Variants in RMI1 observed in about 807,000 individuals in gnomAD.
RMI1 encodes recQ-mediated genome instability protein 1.
RMI1 carries 36 observed loss-of-function variants against 46.7 expected under a neutral mutation model. The observed-to-expected ratio is 0.77, with a 90% CI of 0.59 to 1.02. The LOEUF (loss-of-function observed/expected upper bound fraction) is 1.02, where lower values mean the gene tolerates loss of function less well. Among genes scored for constraint, RMI1 ranks in the 50% least tolerant of loss-of-function variants. The pLI is 0.00. For synonymous variants in RMI1, 250 were observed against 252.9 expected (o/e 0.99, Z 0.11); for missense variants, 676 against 713.7 (o/e 0.95, Z 0.60).
chr9:83,990,951 G>T (rs1957564482), intron 1 of RMI1, among the ~76,000 whole-genome samples: 1 of 152,048 alleles, frequency 6.6e-6, no homozygotes, highest in Non-Finnish European at 1.5e-5. Flanking sequence ...GGGATTACAG[G>T]CGTGTCCCAC....
chr9:83,990,265 C>T (rs1957550550), intron 1 of RMI1, among the ~76,000 whole-genome samples: 1 of 152,070 alleles, frequency 6.6e-6, no homozygotes, highest in Non-Finnish European at 1.5e-5. Flanking sequence ...GCCTGTAATC[C>T]CAGCATGGGA....
At chr9:83,995,568 C>T (rs1255194078) in intron 1 of RMI1, among the ~76,000 whole-genome samples, 2 of 152,076 alleles carry the variant, frequency 1.3e-5, no homozygotes, top group Non-Finnish European at 2.9e-5. Flanking sequence ...GCTGGGACTA[C>T]AGGCACATGC....
At chr9:83,989,293 G>A (rs1957533753) in intron 1 of RMI1, among the ~76,000 whole-genome samples, 1 of 152,018 alleles carries the variant, frequency 6.6e-6, no homozygotes, top group Non-Finnish European at 1.5e-5. Context: ...ATTTTTTTGA[G>A]GTAAAAACTT....
rs777741815 is a variant in RMI1 at position 84,002,843 on chromosome 9, AAAG to A, written c.1861_1863del (p.Lys621del). On this transcript the variant is annotated inframe_deletion, in exon 3 of 3. Coordinates refer to ENST00000445877, the MANE Select transcript of RMI1 (RefSeq NM_001358291.2). ...TTAATATGGAACACCTTGAGAATCT[AAAG>A]AAGCGGTTAAATAAATAATTAAACT... 2.6e-6 allele frequency: 4 copies of A among 1,542,930 alleles called. No homozygotes were observed. The African/African-American group carries it at 4.1e-5, about 16-fold the overall frequency.
Position 84,001,474 on chromosome 9 carries a change from C to T in RMI1, c.488C>T (p.Pro163Leu). ...CCAATTCTTCATAGTGATCTTCCTCCAGGTACAAAAATTTTGATTTATGGA... is the reference window on the plus strand; with the variant it reads ...CCAATTCTTCATAGTGATCTTCCTCTAGGTACAAAAATTTTGATTTATGGA... ...PIPILHSDLP[P>L]GTKILIYGNI... The change falls in exon 3 of 3, where the codon CCA becomes CTA. Residue 163 changes from proline (P) to leucine (L), a missense_variant. Physicochemically the swap from Pro to Leu is moderately conservative, Grantham distance 98. Coordinates refer to ENST00000445877, the MANE Select transcript of RMI1 (RefSeq NM_001358291.2). The T allele has an allele frequency of 1.9e-6, 3 of 1,613,830 alleles. No individual in the cohort carries two copies. The East Asian group carries it at 6.7e-5, about 36-fold the overall frequency.
intron 1 of RMI1, among the ~76,000 whole-genome samples, chr9:83,987,950 A>G (rs540849553): frequency 1.3e-5 from 2 of 152,158 alleles, no homozygotes; most frequent in South Asian, 4.2e-4. Context: ...CAGTAGTGCA[A>G]ACACGGCTCA....
chr9:83,982,463 A>C (rs959002168), intron 1 of RMI1, among the ~76,000 whole-genome samples: 20 of 152,044 alleles, frequency 1.3e-4, no homozygotes, highest in African/African-American at 4.8e-4. Context: ...GGAGATCGAG[A>C]CCATCCTGGC....
chr9:83,981,467 C>T (rs1447639824), intron 1 of RMI1, among the ~76,000 whole-genome samples: 1 of 152,214 alleles, frequency 6.6e-6, no homozygotes, highest in Non-Finnish European at 1.5e-5. Context: ...CTAGCGGGTT[C>T]AGCGCACACT....
At chr9:83,993,382 G>A (rs1055167265) in intron 1 of RMI1, among the ~76,000 whole-genome samples, 4 of 152,122 alleles carry the variant, frequency 2.6e-5, no homozygotes, top group Admixed American at 1.3e-4. Context: ...TATGTTTTGT[G>A]TATCCTTCTA....
At chr9:83,999,465 AG>A (rs1330632770) in intron 1 of RMI1, among the ~76,000 whole-genome samples, 1 of 152,218 alleles carries the variant, frequency 6.6e-6, no homozygotes, top group Non-Finnish European at 1.5e-5. Context: ...GATATAGTCT[AG>A]CACCAGAGAT....
At chr9:83,982,574 A>AGGAGAATGGGT (rs1285002896) in intron 1 of RMI1, among the ~76,000 whole-genome samples, 1 of 152,094 alleles carries the variant, frequency 6.6e-6, no homozygotes, top group African/African-American at 2.4e-5. Context: ...AGGCCGAGGC[A>AGGAGAATGGGT]GGAGAATGGC....
Position 84,002,309 on chromosome 9 carries a change from A to G in RMI1, c.1323A>G (p.Lys441=), listed in dbSNP as rs754226466. ...SSSDSHSLNN[K]ILNREVVNYV... is the part of the protein sequence containing the mutation. ...CAGATAGCCATTCCTTAAATAATAA[A>G]ATATTAAATAGAGAGGTGGTCAACT... Residue 441 remains lysine, a synonymous_variant, in exon 3 of 3, where the codon AAA becomes AAG. Coordinates refer to ENST00000445877, the MANE Select transcript of RMI1 (RefSeq NM_001358291.2). 3.9e-5 allele frequency: 63 copies of G among 1,599,502 alleles called. No individual in the cohort carries two copies. Among genetic ancestry groups the G allele is most frequent in the Non-Finnish European group, 9.4e-6 (11 of 1,169,446 alleles).
intron 1 of RMI1, among the ~76,000 whole-genome samples, chr9:83,986,442 A>G (rs1028414397): frequency 3.3e-5 from 5 of 152,180 alleles, no homozygotes. Flanking sequence ...TCCTCTTTCC[A>G]CTTAAGTTGA....
chr9:83,988,666 TTC>T (rs1957526896), intron 1 of RMI1, among the ~76,000 whole-genome samples: 1 of 152,244 alleles, frequency 6.6e-6, no homozygotes, highest in African/African-American at 2.4e-5. Context: ...CCATTTTGCA[TTC>T]TCACTAGCAA....
At chr9:83,982,932 T>G (rs954945139) in intron 1 of RMI1, among the ~76,000 whole-genome samples, 1 of 152,242 alleles carries the variant, frequency 6.6e-6, no homozygotes, top group African/African-American at 2.4e-5. Flanking sequence ...CTGTGTTCAT[T>G]CAAGAACTTA....
upstream of RMI1, chr9:83,980,363 C>G (rs113095992): frequency 2.0e-5 from 3 of 152,462 alleles, no homozygotes; most frequent in Admixed American, 1.3e-4. Flanking sequence ...AACCCCGCCT[C>G]CCGCCAGCGC....
intron 1 of RMI1, among the ~76,000 whole-genome samples, chr9:83,982,992 T>C (rs1372525874): frequency 6.6e-6 from 1 of 152,250 alleles, no homozygotes; most frequent in East Asian, 1.9e-4. Flanking sequence ...AATGGTGTAA[T>C]GGTGTAGTGA....
intron 1 of RMI1, among the ~76,000 whole-genome samples, chr9:83,983,511 G>A (rs565773179): frequency 6.6e-6 from 1 of 152,218 alleles, no homozygotes; most frequent in Admixed American, 6.5e-5. Flanking sequence ...TGGAACTGTG[G>A]AGTAGATTTA....
chr9:83,996,223 C>T (rs1176042814), intron 1 of RMI1, among the ~76,000 whole-genome samples: 2 of 152,214 alleles, frequency 1.3e-5, no homozygotes, highest in Non-Finnish European at 2.9e-5. Flanking sequence ...TAGTGAATAG[C>T]CCAGTTCTGG....
Sources: allele counts gnomAD v4.1 joint callset (sites outside exome capture counted in the v4.1 genomes callset), GRCh38; gene constraint gnomAD v4.1.1; transcripts MANE v1.5; gene names NCBI Gene and HGNC (gene_info 2026-07-23, HGNC 2026-07-21).